PIK3C2G: variants seen among roughly 807,000 people sequenced by gnomAD.
PIK3C2G encodes phosphatidylinositol-4-phosphate 3-kinase catalytic subunit type 2 gamma, also known as phosphatidylinositol 3-kinase C2 domain-containing subunit gamma.
Under a neutral mutation model 181.1 loss-of-function variants are expected in PIK3C2G, and 168 were observed. The observed-to-expected ratio is 0.93, with a 90% confidence interval of 0.82 to 1.05. The LOEUF (loss-of-function observed/expected upper bound fraction) is 1.05, where lower values mean the gene tolerates loss of function less well. Among genes scored for constraint, PIK3C2G ranks in the 50% least tolerant of loss-of-function variants. PIK3C2G has a pLI of 0.00. For synonymous variants in PIK3C2G, 573 were observed against 592.2 expected (o/e 0.97, Z 0.47); for missense variants, 1,869 against 1,732.8 (o/e 1.08, Z -1.40).
intron 16 of PIK3C2G, among the ~76,000 whole-genome samples, chr12:18,413,458 G>A (rs58852225): frequency 0.025 from 3,871 of 152,134 alleles, 141 homozygotes; most frequent in African/African-American, 0.084. Flanking sequence ...TAATAAATGA[G>A]AATTTCTTTT....
chr12:18,269,912 C>CTTTTTT (rs367550750), intron 1 of PIK3C2G, among the ~76,000 whole-genome samples: 2 of 136,926 alleles, frequency 1.5e-5, no homozygotes, highest in Non-Finnish European at 1.6e-5. Context: ...TTTTTCTTTT[C>CTTTTTT]TTTTTTTTTT....
chr12:18,681,271 T>C, the PIK3C2G span, among the ~76,000 whole-genome samples: 2 of 152,034 alleles, frequency 1.3e-5, no homozygotes, highest in African/African-American at 4.8e-5. Context: ...TAACCTAATC[T>C]AGCAGAACAC....
At chr12:18,594,285 G>A (rs903790276) in intron 29 of PIK3C2G, among the ~76,000 whole-genome samples, 2 of 152,010 alleles carry the variant, frequency 1.3e-5, no homozygotes, top group Non-Finnish European at 2.9e-5. Context: ...AAAGTAATCT[G>A]ACCTTCAGTC....
At chr12:18,352,718 A>G (rs1371679422) in intron 11 of PIK3C2G, among the ~76,000 whole-genome samples, 3 of 152,194 alleles carry the variant, frequency 2.0e-5, no homozygotes. Context: ...GGCTCTCAGC[A>G]GGATGGAGAG....
chr12:18,665,722 G>C, the PIK3C2G span, among the ~76,000 whole-genome samples: 3 of 151,970 alleles, frequency 2.0e-5, no homozygotes, highest in Admixed American at 6.6e-5. Context: ...GGATCACGAG[G>C]TCAGGAGATC....
chr12:18,348,957 G>A (rs1232657615), intron 11 of PIK3C2G, among the ~76,000 whole-genome samples: 1 of 152,114 alleles, frequency 6.6e-6, no homozygotes, highest in African/African-American at 2.4e-5. Context: ...TATTGATGTG[G>A]TTATTGAAAG....
At chr12:18,352,817 C>CACCCCTCTGAAGTCAAGCT (rs1236374681) in intron 11 of PIK3C2G, among the ~76,000 whole-genome samples, 18 of 152,116 alleles carry the variant, frequency 1.2e-4, no homozygotes, top group Non-Finnish European at 2.2e-4. Context: ...GCTGTCAAGC[C>CACCCCTCTGAAGTCAAGCT]ACCCCTCTGA....
At chr12:18,452,936 G>A (rs1012648813) in intron 18 of PIK3C2G, among the ~76,000 whole-genome samples, 1 of 152,126 alleles carries the variant, frequency 6.6e-6, no homozygotes, top group Non-Finnish European at 1.5e-5. Flanking sequence ...GAGACTGTTT[G>A]TTATGATTTC....
intron 16 of PIK3C2G, among the ~76,000 whole-genome samples, chr12:18,407,774 G>T (rs1285849428): frequency 6.6e-6 from 1 of 152,082 alleles, no homozygotes; most frequent in Non-Finnish European, 1.5e-5. Context: ...TTGACAAAAG[G>T]GAAAGATTAA....
At position 18,503,409 on chromosome 12, in the gene PIK3C2G, T is replaced by C; in HGVS notation, c.3145T>C (p.Tyr1049His). Residue 1049 changes from tyrosine (Y) to histidine (H), a missense_variant, in exon 23 of 33, where the codon TAT becomes CAT. Transcript: ENST00000538779. ...FSQHNHLKAD[Y>H]EKALRNFFYS... ...TCAGCACAACCACTTAAAGGCAGAT[T>C]ATGAAAAGGTTTGTCCTGTTGCAGA... is the stretch of plus-strand genomic sequence containing the variant. 6.2e-7 allele frequency: 1 copy of C among 1,602,462 alleles called. No individual in the cohort carries two copies. Among genetic ancestry groups the C allele is most frequent in the Non-Finnish European group, 8.5e-7 (1 of 1,173,794 alleles).
upstream of PIK3C2G, among the ~76,000 whole-genome samples, chr12:18,246,563 A>G (rs1948042259): frequency 6.6e-6 from 1 of 152,150 alleles, no homozygotes; most frequent in African/African-American, 2.4e-5. Context: ...GCTCCAAGCA[A>G]GTTCCATTTT....
intron 11 of PIK3C2G, among the ~76,000 whole-genome samples, chr12:18,352,618 C>T (rs1565627574): frequency 1.3e-5 from 2 of 152,210 alleles, no homozygotes; most frequent in African/African-American, 2.4e-5. Flanking sequence ...CCCTCTGCAT[C>T]GCGAGCTGTT....
intron 4 of PIK3C2G, among the ~76,000 whole-genome samples, chr12:18,293,213 G>C (rs1016927459): frequency 1.3e-5 from 2 of 151,892 alleles, no homozygotes; most frequent in African/African-American, 4.8e-5. Flanking sequence ...CCAGATTCTT[G>C]AAGAAAATAA....
At chr12:18,692,655 G>GA in the PIK3C2G span, 71 of 637,286 alleles carry the variant, frequency 1.1e-4, no homozygotes, top group Non-Finnish European at 1.8e-4. Context: ...TTATGCAGGA[G>GA]AAAAAAATCA....
intron 18 of PIK3C2G, among the ~76,000 whole-genome samples, chr12:18,448,312 C>G (rs1474311033): frequency 6.6e-6 from 1 of 152,166 alleles, no homozygotes; most frequent in Non-Finnish European, 1.5e-5. Context: ...AATATACACA[C>G]AATGATGTTT....
chr12:18,338,808 A>C (rs967769942), intron 9 of PIK3C2G, among the ~76,000 whole-genome samples: 4 of 151,752 alleles, frequency 2.6e-5, no homozygotes, highest in African/African-American at 9.7e-5. Context: ...CACTGATTAC[A>C]CCTTTGAAGT....
intron 5 of PIK3C2G, among the ~76,000 whole-genome samples, chr12:18,307,878 A>C (rs11612780): frequency 0.17 from 26,091 of 151,814 alleles, 2,590 homozygotes; most frequent in East Asian, 0.46. Flanking sequence ...GCAAAGAAAC[A>C]CATGGAAATA....
intron 16 of PIK3C2G, among the ~76,000 whole-genome samples, chr12:18,402,568 A>G (rs907487974): frequency 2.0e-5 from 3 of 152,120 alleles, no homozygotes; most frequent in South Asian, 2.1e-4. Flanking sequence ...TGTGAAGGTA[A>G]TATCTATGAA....
chr12:18,366,467 T>C (rs1198882784), intron 12 of PIK3C2G, among the ~76,000 whole-genome samples: 3 of 151,894 alleles, frequency 2.0e-5, no homozygotes, highest in Non-Finnish European at 4.4e-5. Flanking sequence ...CTGGAGGAGG[T>C]TGCAATGAGC....
Sources: gnomAD v4.1 joint callset for allele counts (sites outside exome capture counted in the v4.1 genomes callset) on GRCh38, gnomAD v4.1.1 for gene constraint, MANE v1.5 for transcripts, NCBI Gene and HGNC (gene_info 2026-07-23, HGNC 2026-07-21) for gene names.